Variants in CABIN1 observed in about 807,000 individuals in gnomAD.
CABIN1 encodes calcineurin binding protein 1.
CABIN1 carries 133 observed loss-of-function variants against 227.7 expected under a neutral mutation model. That is an observed-to-expected ratio of 0.58 (90% CI 0.51 to 0.67). The LOEUF (loss-of-function observed/expected upper bound fraction) is 0.67, where lower values mean the gene tolerates loss of function less well. Ranked by LOEUF, CABIN1 falls within the 30% of genes least tolerant of loss-of-function variation. CABIN1 has a pLI of 0.00. For missense variants in CABIN1, 2,408 were observed against 2,852.5 expected (o/e 0.84, Z 3.55); for synonymous variants, 1,086 against 1,155.1 (o/e 0.94, Z 1.21).
At chr22:24,112,353 C>G (rs2042857588) in intron 26 of CABIN1, among the ~76,000 whole-genome samples, 1 of 152,130 alleles carries the variant, frequency 6.6e-6, no homozygotes, top group Non-Finnish European at 1.5e-5. Flanking sequence ...CTTTAGTGCC[C>G]CAGTGGTGCA....
At chr22:24,135,806 G>C (rs1453010526) in intron 29 of CABIN1, among the ~76,000 whole-genome samples, 3 of 152,194 alleles carry the variant, frequency 2.0e-5, no homozygotes, top group African/African-American at 7.2e-5. Context: ...TTCAGGTCTG[G>C]AGGGGTGTAA....
intron 2 of CABIN1, 144 bp downstream of exon 2, chr22:24,035,664 G>C: frequency 9.8e-7 from 1 of 1,022,004 alleles, no homozygotes; most frequent in South Asian, 1.3e-5. Flanking sequence ...TGGCACCTTT[G>C]AGGGTGTGAG....
chr22:24,134,923 C>T (rs955174548), intron 29 of CABIN1, among the ~76,000 whole-genome samples: 3 of 146,702 alleles, frequency 2.0e-5, no homozygotes, highest in African/African-American at 7.6e-5. Flanking sequence ...ACTAAATATA[C>T]AAAAATTAGC....
intron 28 of CABIN1, among the ~76,000 whole-genome samples, chr22:24,131,814 C>T (rs559536684): frequency 1.3e-4 from 20 of 152,202 alleles, no homozygotes; most frequent in African/African-American, 4.6e-4. Flanking sequence ...GCCTGTAATT[C>T]CAACACTTTG....
At chr22:24,073,745 T>G (rs1436700345) in intron 18 of CABIN1, among the ~76,000 whole-genome samples, 2 of 151,544 alleles carry the variant, frequency 1.3e-5, no homozygotes, top group African/African-American at 2.4e-5. Context: ...GGAGGTGGAG[T>G]GGGGCCAGGG....
intron 22 of CABIN1, among the ~76,000 whole-genome samples, chr22:24,085,462 C>T (rs2041090866): frequency 1.3e-5 from 2 of 152,326 alleles, no homozygotes; most frequent in East Asian, 3.9e-4. Context: ...AACCTGGCTC[C>T]ATCCTGTTGG....
intron 29 of CABIN1, among the ~76,000 whole-genome samples, chr22:24,143,433 G>A (rs1361984856): frequency 6.6e-6 from 1 of 152,210 alleles, no homozygotes; most frequent in Admixed American, 6.5e-5. Flanking sequence ...GGACTACACT[G>A]TCTGCTAGCC....
At position 24,074,351 on chromosome 22, in the gene CABIN1, A is replaced by G. The variant is rs375503172; in HGVS notation, c.2633-1818A>G. Among the ~76,000 whole-genome samples, 152 of 152,344 alleles carry G rather than the reference A, an allele frequency of 1.0e-3. 2 individuals are homozygous for G. The highest frequency in any genetic ancestry group is 3.5e-3 in the African/African-American group (147 of 41,586). The stretch of plus-strand genomic sequence containing the variant: ...AGATTGGAAAGGAAAAAGAAAGAAA[A>G]GAAAGAAAAAAGAAAGATTCTGGTG... On this transcript the variant is annotated intron_variant, in intron 18 of 36. Transcript: ENST00000263119.
intron 1 of CABIN1, among the ~76,000 whole-genome samples, chr22:24,029,885 T>C (rs892350061): frequency 4.6e-5 from 7 of 152,162 alleles, no homozygotes; most frequent in African/African-American, 1.7e-4. Flanking sequence ...AGGAGACACA[T>C]TGAAAAGCAG....
chr22:24,102,358 G>T (rs1405587101), intron 26 of CABIN1: 2 of 152,264 alleles, frequency 1.3e-5, no homozygotes, highest in African/African-American at 4.8e-5. Flanking sequence ...ACTTCAGAAT[G>T]CCAGAGCCAG....
Position 24,166,874 on chromosome 22 carries a change from A to C in CABIN1, c.5243A>C (p.Lys1748Thr). Reference sequence around the variant, plus strand: ...AGTGCAGACCAAAGCGGGGAGCGGAAGGATAAAGAGAGCCCACGGGCAGGG... The same window carrying C: ...AGTGCAGACCAAAGCGGGGAGCGGACGGATAAAGAGAGCCCACGGGCAGGG... ...GDSADQSGER[K>T]DKESPRAGPT... Residue 1748 changes from lysine (K) to threonine (T), a missense_variant, in exon 32 of 37, where the codon AAG (lysine) becomes ACG (threonine). By Grantham distance (78) the Lys-to-Thr change is moderately conservative. Transcript: ENST00000263119. 1 of 1,611,790 alleles carries C rather than the reference A, an allele frequency of 6.2e-7. No individual in the cohort carries two copies. Among genetic ancestry groups the C allele is most frequent in the Non-Finnish European group, 8.5e-7 (1 of 1,179,398 alleles).
At chr22:24,053,760 G>T (rs1300918198) in intron 8 of CABIN1, among the ~76,000 whole-genome samples, 1 of 152,124 alleles carries the variant, frequency 6.6e-6, no homozygotes, top group African/African-American at 2.4e-5. Context: ...TGCTAGGGGC[G>T]CAGTGTGGCA....
rs372939988 is a variant in CABIN1, at chr22:24,013,312, T to G, written c.-75+1945T>G. On this transcript the variant is annotated intron_variant, in intron 1 of 36. Coordinates refer to ENST00000263119, the MANE Select transcript of CABIN1 (RefSeq NM_012295.4). ...CCTGGGTTCACGCCATTCTCCTGCC[T>G]CAGCCTCCCTAGTAGCTGGGACTAC... Among the ~76,000 whole-genome samples, 21 of 145,372 alleles carry G rather than the reference T, an allele frequency of 1.4e-4. No homozygotes were observed. The East Asian group carries it at 4.4e-3, about 31-fold the overall frequency.
chr22:24,148,097 T>C (rs972988596), intron 29 of CABIN1, among the ~76,000 whole-genome samples: 1 of 152,052 alleles, frequency 6.6e-6, no homozygotes, highest in African/African-American at 2.4e-5. Flanking sequence ...TGTTAGAAGT[T>C]TCCCTCTTGA....
chr22:24,133,065 C>T (rs1348622521), intron 28 of CABIN1, among the ~76,000 whole-genome samples: 2 of 152,202 alleles, frequency 1.3e-5, no homozygotes, highest in African/African-American at 4.8e-5. Context: ...CAGGTTGTTC[C>T]CTCCTCTGCC....
intron 34 of CABIN1, among the ~76,000 whole-genome samples, chr22:24,173,644 G>A (rs993291571): frequency 6.6e-6 from 1 of 152,192 alleles, no homozygotes; most frequent in Non-Finnish European, 1.5e-5. Context: ...GACCATCCTG[G>A]CCAACATGGT....
At chr22:24,171,225 T>C (rs2046792302) in intron 33 of CABIN1, among the ~76,000 whole-genome samples, 1 of 152,098 alleles carries the variant, frequency 6.6e-6, no homozygotes, top group African/African-American at 2.4e-5. Context: ...CAGTGGGTTG[T>C]GGTATCAAGC....
At chr22:24,120,358 A>T (rs2147932819) in intron 28 of CABIN1, among the ~76,000 whole-genome samples, 1 of 152,314 alleles carries the variant, frequency 6.6e-6, no homozygotes, top group South Asian at 2.1e-4. Context: ...CTTCCCAGCC[A>T]GACCTCTTCT....
At chr22:24,151,313 CCA>C (rs1208293635) in intron 29 of CABIN1, among the ~76,000 whole-genome samples, 3 of 152,186 alleles carry the variant, frequency 2.0e-5, no homozygotes, top group Admixed American at 1.3e-4. Flanking sequence ...TGGCCTGAAA[CCA>C]CAGTTTGGTT....
Sources: allele counts gnomAD v4.1 joint callset (sites outside exome capture counted in the v4.1 genomes callset), GRCh38; gene constraint gnomAD v4.1.1; transcripts MANE v1.5; gene names NCBI Gene and HGNC (gene_info 2026-07-23, HGNC 2026-07-21).